The following TMEM41B variants were observed in gnomAD, a reference collection of about 807,000 sequenced individuals.
The protein encoded by TMEM41B is transmembrane protein 41B.
In TMEM41B, 18 loss-of-function variants were observed where a neutral mutation model predicts 31.9. The ratio of observed to expected loss-of-function variants is 0.56; its 90% CI spans 0.39 to 0.84. The LOEUF (loss-of-function observed/expected upper bound fraction) is 0.84, where lower values mean the gene tolerates loss of function less well. TMEM41B is among the 40% of genes least tolerant of loss of function. The pLI, the probability that TMEM41B is intolerant of heterozygous loss-of-function variation, is 0.00. For missense variants in TMEM41B, 322 were observed against 348.0 expected, an observed-to-expected ratio of 0.93 and a Z score of 0.59; for synonymous variants, 144 against 124.3, an observed-to-expected ratio of 1.16 and a Z score of -1.05.
In TMEM41B at chr11:9,314,459, G is replaced by T; in HGVS notation, c.-18C>A. On this transcript the variant is annotated 5_prime_UTR_variant, in exon 1 of 7. Transcript: ENST00000528080. ...TTCGCCATGGCTGCTGCAAGGTGAA[G>T]GGAGCGGTGCGGTGCCGCGCCCCCT... 1 of 1,550,702 alleles carries T rather than the reference G, an allele frequency of 6.4e-7. No homozygotes were observed. The highest frequency in any genetic ancestry group is 2.4e-5 in the East Asian group (1 of 40,914).
At chr11:9,304,020 AAGG>A (rs1363852432) in intron 1 of TMEM41B, among the ~76,000 whole-genome samples, 4 of 152,204 alleles carry the variant, frequency 2.6e-5, no homozygotes, top group African/African-American at 9.6e-5. Flanking sequence ...TAATCTCAAA[AAGG>A]AGATTTGCTC....
Position 9,281,009 on chromosome 11 carries a change from GGAGAA to G in TMEM41B, c.*2410_*2414del, listed in dbSNP as rs1056749807. ...TCTGGAAAAACTGTCTATTCTCTTAGGAGAAGAAAATATACCCCACCTAAAGTCGC... is the reference window on the plus strand; with the variant it reads ...TCTGGAAAAACTGTCTATTCTCTTAGGAAAATATACCCCACCTAAAGTCGC... On this transcript the variant is annotated 3_prime_UTR_variant, in exon 7 of 7. Coordinates refer to ENST00000528080, the MANE Select transcript of TMEM41B (RefSeq NM_015012.4). 1.0e-3 allele frequency: 153 copies of G among 151,740 alleles called. No individual in the cohort carries two copies. The highest frequency in any genetic ancestry group is 3.6e-3 in the African/African-American group (149 of 41,352). 9.4% of individuals were successfully genotyped at this position (151,740 alleles called of 1,614,324 possible).
Position 9,288,413 on chromosome 11 carries a change from G to C in TMEM41B, c.462+29C>G, listed in dbSNP as rs751272956. The C allele has an allele frequency of 3.0e-5, 44 of 1,449,134 alleles. No individual in the cohort carries two copies. In the Admixed American group the frequency reaches 9.4e-4, roughly 31 times the overall value. 89.8% of individuals were successfully genotyped at this position (1,449,134 alleles called of 1,614,324 possible). A position where few individuals can be genotyped will look rare whatever the true frequency, so the allele number is the denominator to read the frequency against. On this transcript the variant is annotated intron_variant, in intron 4 of 6. Transcript: ENST00000528080. ...TCCTCATCATTCTATTGTTTTTTCA[G>C]TCTCCCAATTTTATTTTTTCATACT...
intron 1 of TMEM41B, among the ~76,000 whole-genome samples, chr11:9,300,934 AAGC>A (rs1386746316): frequency 2.6e-5 from 4 of 152,074 alleles, no homozygotes; most frequent in Admixed American, 2.6e-4. Context: ...CAGAAGCAGT[AAGC>A]AGAAGAAAGT....
intron 3 of TMEM41B, among the ~76,000 whole-genome samples, chr11:9,288,768 G>A (rs1852892165): frequency 6.6e-6 from 1 of 152,100 alleles, no homozygotes; most frequent in African/African-American, 2.4e-5. Context: ...AGAGGAACCG[G>A]GCACTTTGGG....
In TMEM41B at chr11:9,295,287, G is replaced by C. The variant is rs778867488; in HGVS notation, c.340C>G (p.Leu114Val). ...ATATATGTAGCAAAATAAGCTACAAGTACTTGAACATAAAAGGTGTCCTTG... is the reference window on the plus strand; with the variant it reads ...ATATATGTAGCAAAATAAGCTACAACTACTTGAACATAAAAGGTGTCCTTG... ...KYKDTFYVQV[L>V]VAYFATYIFL... Residue 114 changes from leucine (L) to valine (V), a missense_variant, in exon 3 of 7, where the codon CTT becomes GTT. Coordinates refer to ENST00000528080, the MANE Select transcript of TMEM41B (RefSeq NM_015012.4). 5.1e-6 allele frequency: 8 copies of C among 1,579,950 alleles called. No homozygotes were observed. Among genetic ancestry groups the C allele is most frequent in the Non-Finnish European group, 6.0e-6 (7 of 1,157,252 alleles).
chr11:9,295,312 G>A lies in TMEM41B; in HGVS notation c.315C>T (p.Tyr105=). The change falls in exon 3 of 7, where the codon TAC becomes TAT. Residue 105 remains tyrosine (Y), a synonymous_variant. Coordinates refer to ENST00000528080, the MANE Select transcript of TMEM41B (RefSeq NM_015012.4). ...GTACTTGAACATAAAAGGTGTCCTT[G>A]TATTTGGATAAAACTTTTCCTAGAG... ...AKALGKVLSK[Y]KDTFYVQVLV... 3 of 1,595,132 alleles carry A rather than the reference G, an allele frequency of 1.9e-6. No homozygotes were observed. Among genetic ancestry groups the A allele is most frequent in the Non-Finnish European group, 8.6e-7 (1 of 1,167,234 alleles).
At chr11:9,285,951 C>T (rs566829997) in intron 6 of TMEM41B, among the ~76,000 whole-genome samples, 2 of 152,240 alleles carry the variant, frequency 1.3e-5, no homozygotes, top group East Asian at 1.9e-4. Context: ...CCCATTTCTA[C>T]TAATAATACA....
At chr11:9,284,280 G>A (rs1432832860) in intron 6 of TMEM41B, among the ~76,000 whole-genome samples, 1 of 151,694 alleles carries the variant, frequency 6.6e-6, no homozygotes, top group Non-Finnish European at 1.5e-5. Flanking sequence ...TGAGCAGCTG[G>A]GACTACAGGC....
At chr11:9,292,025 AAT>A (rs1564961769) in intron 3 of TMEM41B, among the ~76,000 whole-genome samples, 2 of 152,094 alleles carry the variant, frequency 1.3e-5, no homozygotes, top group Non-Finnish European at 2.9e-5. Flanking sequence ...TTTTAACATA[AAT>A]ATGATACCAT....
At chr11:9,303,420 G>A (rs1405229439) in intron 1 of TMEM41B, among the ~76,000 whole-genome samples, 3 of 152,084 alleles carry the variant, frequency 2.0e-5, no homozygotes, top group South Asian at 2.1e-4. Flanking sequence ...GATTATAGGC[G>A]TGAATGAGTG....
At chr11:9,294,127 G>C (rs1853021483) in intron 3 of TMEM41B, among the ~76,000 whole-genome samples, 1 of 142,046 alleles carries the variant, frequency 7.0e-6, no homozygotes, top group Non-Finnish European at 1.5e-5. Context: ...GCTGCAGTGA[G>C]CCATGATCAT....
chr11:9,287,209 A>G (rs1852856100), intron 5 of TMEM41B, among the ~76,000 whole-genome samples: 1 of 151,512 alleles, frequency 6.6e-6, no homozygotes, highest in Non-Finnish European at 1.5e-5. Flanking sequence ...TGGGAGGCTG[A>G]GGCAGGCAGG....
chr11:9,288,419 C>T, intron 4 of TMEM41B, 23 bp downstream of exon 4: 1 of 1,502,624 alleles, frequency 6.7e-7, no homozygotes, highest in South Asian at 1.2e-5. Flanking sequence ...TTCAGTCTCC[C>T]AATTTTATTT....
chr11:9,295,304 G>T lies in TMEM41B; in HGVS notation c.323C>A (p.Thr108Asn). ...AGCTACAAGTACTTGAACATAAAAG[G>T]TGTCCTTGTATTTGGATAAAACTTT... ...LGKVLSKYKD[T>N]FYVQVLVAYF... The change falls in exon 3 of 7, where the codon ACC (threonine) becomes AAC (asparagine). Residue 108 changes from threonine to asparagine, a missense_variant. Thr to Asn is a moderately conservative substitution (Grantham distance 65). Transcript: ENST00000528080. 1 of 1,591,444 alleles carries T rather than the reference G, an allele frequency of 6.3e-7. No homozygotes were observed. The highest frequency in any genetic ancestry group is 8.6e-7 in the Non-Finnish European group (1 of 1,164,540).
At chr11:9,299,799 C>T in intron 1 of TMEM41B, 98 bp from the exon 2 acceptor site, 1 of 911,234 alleles carries the variant, frequency 1.1e-6, no homozygotes, top group Non-Finnish European at 1.7e-6. Flanking sequence ...ATGGCGTGTG[C>T]TTTTGCCTAA....
In TMEM41B at chr11:9,295,352, A is replaced by C; in HGVS notation, c.275T>G (p.Met92Arg). ...TTTTCCTAGAGCCTTGGCATCATCC[A>C]TATCTCTGGGAACCTTCATATTCAC... Reference protein sequence around the residue: ...ERVNMKVPRDMDDAKALGKVL... With the variant: ...ERVNMKVPRDRDDAKALGKVL... The change falls in exon 3 of 7, where the codon ATG becomes AGG. Residue 92 changes from methionine (M) to arginine (R), a missense_variant. Transcript: ENST00000528080. 6.3e-7 allele frequency: 1 copy of C among 1,597,424 alleles called. No individual in the cohort carries two copies.
chr11:9,287,485 C>T (rs781448163), intron 5 of TMEM41B, among the ~76,000 whole-genome samples: 4 of 152,162 alleles, frequency 2.6e-5, no homozygotes, highest in Admixed American at 1.3e-4. Flanking sequence ...ATTAAAATTA[C>T]CATCACAGGT....
Position 9,287,734 on chromosome 11 carries a change from G to C in TMEM41B, c.535C>G (p.Leu179Val). 6.2e-7 allele frequency: 1 copy of C among 1,612,910 alleles called. No homozygotes were observed. The highest frequency in any genetic ancestry group is 8.5e-7 in the Non-Finnish European group (1 of 1,179,576). Residue 179 changes from leucine (L) to valine (V), a missense_variant, in exon 5 of 7, where the codon CTA (leucine) becomes GTA (valine). By Grantham distance (32) the Leu-to-Val change is conservative (BLOSUM62 1). Transcript: ENST00000528080. ...GACCATTTTACTGCTTTCTCTGTTA[G>C]GTATTTGTATACAACTGGTCTCCCA... ...LVGRPVVYKYLTEKAVKWSQQ... is the reference protein window; with the variant it reads ...LVGRPVVYKYVTEKAVKWSQQ...
Sources: allele counts gnomAD v4.1 joint callset (sites outside exome capture counted in the v4.1 genomes callset), GRCh38; gene constraint gnomAD v4.1.1; transcripts MANE v1.5; gene names NCBI Gene and HGNC (gene_info 2026-07-23, HGNC 2026-07-21).